The following CDC42SE2 variants were observed in gnomAD, a reference collection of about 807,000 sequenced individuals.
CDC42SE2 encodes CDC42 small effector 2, also known as CDC42 small effector protein 2.
Under a neutral mutation model 11.5 loss-of-function variants are expected in CDC42SE2, and 3 were observed. The ratio of observed to expected loss-of-function variants is 0.26; its 90% CI spans 0.12 to 0.67. The LOEUF is 0.67. CDC42SE2 is among the 30% of genes least tolerant of loss of function. The pLI is 0.80. For synonymous variants in CDC42SE2, 33 were observed against 34.8 expected, an observed-to-expected ratio of 0.95 and a Z score of 0.18; for missense variants, 82 against 106.8, an observed-to-expected ratio of 0.77 and a Z score of 1.02.
intron 3 of CDC42SE2, among the ~76,000 whole-genome samples, chr5:131,381,459 G>T (rs1456272608): frequency 1.3e-5 from 2 of 152,082 alleles, no homozygotes; most frequent in Non-Finnish European, 2.9e-5. Context: ...AAGTAGCTGG[G>T]ATTAAGGCAC....
rs1350887270 is a variant in CDC42SE2 at position 131,342,411 on chromosome 5, A to G, written c.-285-16798A>G. 6.3e-5 allele frequency among the ~76,000 whole-genome samples: 6 copies of G among 95,812 alleles called. No homozygotes were observed. The African/African-American group carries it at 7.2e-4, about 12-fold the overall frequency. 62.9% of individuals were successfully genotyped at this position (95,812 alleles called of 152,430 possible). A position where few individuals can be genotyped will look rare whatever the true frequency, so the allele number is the denominator to read the frequency against. ...GTCTTTTTTTTTTTTTTTTTTTAAGATAGGGTCTCACTTTGTCACTGGGCT... is the reference window on the plus strand; with the variant it reads ...GTCTTTTTTTTTTTTTTTTTTTAAGGTAGGGTCTCACTTTGTCACTGGGCT... On this transcript the variant is annotated intron_variant, in intron 2 of 4. Transcript: ENST00000505065.
At chr5:131,299,000 G>C (rs1300458652) in intron 1 of CDC42SE2, among the ~76,000 whole-genome samples, 1 of 152,188 alleles carries the variant, frequency 6.6e-6, no homozygotes, top group East Asian at 1.9e-4. Flanking sequence ...GCCATATCAA[G>C]TTCTGAAGAG....
intron 1 of CDC42SE2, among the ~76,000 whole-genome samples, chr5:131,295,020 G>T (rs1185766509): frequency 3.3e-5 from 5 of 152,030 alleles, no homozygotes; most frequent in East Asian, 1.9e-4. Context: ...CCAGCTACTC[G>T]GGAGGCTGAA....
intron 2 of CDC42SE2, among the ~76,000 whole-genome samples, chr5:131,321,919 C>T (rs192492622): frequency 1.5e-3 from 225 of 152,266 alleles, no homozygotes; most frequent in African/African-American, 5.1e-3. Flanking sequence ...GACGCGATGT[C>T]GGCTCACTGC....
chr5:131,283,350 G>A lies in CDC42SE2; in HGVS notation c.-455+19184G>A, dbSNP rs115755522. ...TCCCTCCCCACATCCTCTGATAGCC[G>A]TTTACATATTTTCTCTTTCTAGATT... On this transcript the variant is annotated intron_variant, in intron 1 of 4. Transcript: ENST00000505065. 4.2e-3 allele frequency among the ~76,000 whole-genome samples: 632 copies of A among 152,186 alleles called. 6 individuals are homozygous for A. Among genetic ancestry groups the A allele is most frequent in the African/African-American group, 0.014 (602 of 41,530 alleles).
chr5:131,210,434 T>G, the CDC42SE2 span, among the ~76,000 whole-genome samples: 3 of 152,254 alleles, frequency 2.0e-5, no homozygotes, highest in African/African-American at 7.2e-5. Context: ...CCTTTTTGAA[T>G]TCAATTTCCT....
chr5:131,280,823 A>G (rs1293852924), intron 1 of CDC42SE2, among the ~76,000 whole-genome samples: 1 of 152,222 alleles, frequency 6.6e-6, no homozygotes, highest in Non-Finnish European at 1.5e-5. Flanking sequence ...GAAGGCCTTC[A>G]TCTATCTGTA....
chr5:131,390,693 T>C (rs1750624838), intron 4 of CDC42SE2, among the ~76,000 whole-genome samples: 1 of 152,048 alleles, frequency 6.6e-6, no homozygotes, highest in Non-Finnish European at 1.5e-5. Context: ...AAAGTGGAGT[T>C]GATCTATATA....
intron 1 of CDC42SE2, among the ~76,000 whole-genome samples, chr5:131,289,441 G>A (rs1210088471): frequency 6.6e-6 from 1 of 152,228 alleles, no homozygotes; most frequent in African/African-American, 2.4e-5. Flanking sequence ...GGGAGGCCGA[G>A]GCGGGTGAAT....
intron 3 of CDC42SE2, among the ~76,000 whole-genome samples, chr5:131,385,245 C>T (rs1750446677): frequency 1.3e-5 from 2 of 152,210 alleles, no homozygotes. Flanking sequence ...GGTAATTTTA[C>T]ATTTGTCTCG....
At chr5:131,318,556 G>C (rs1015084785) in intron 2 of CDC42SE2, among the ~76,000 whole-genome samples, 1 of 152,164 alleles carries the variant, frequency 6.6e-6, no homozygotes, top group Non-Finnish European at 1.5e-5. Flanking sequence ...GCTATCTTTT[G>C]ACCATGAAAG....
chr5:131,330,167 T>C (rs1758391025), intron 2 of CDC42SE2, among the ~76,000 whole-genome samples: 1 of 152,188 alleles, frequency 6.6e-6, no homozygotes, highest in African/African-American at 2.4e-5. Flanking sequence ...GCTGGAAGGC[T>C]AAGCTCAGTT....
At chr5:131,324,434 T>A (rs912367833) in intron 2 of CDC42SE2, among the ~76,000 whole-genome samples, 2 of 152,100 alleles carry the variant, frequency 1.3e-5, no homozygotes, top group Non-Finnish European at 2.9e-5. Flanking sequence ...TGAGAAAAGA[T>A]AATGAAATCC....
intron 1 of CDC42SE2, among the ~76,000 whole-genome samples, chr5:131,303,485 T>G (rs1406999865): frequency 6.6e-6 from 1 of 152,232 alleles, no homozygotes; most frequent in Non-Finnish European, 1.5e-5. Context: ...TCTTGTAGTT[T>G]ATCAGCTGAA....
intron 4 of CDC42SE2, among the ~76,000 whole-genome samples, chr5:131,387,709 T>C (rs1750529440): frequency 1.3e-5 from 2 of 152,244 alleles, no homozygotes; most frequent in African/African-American, 4.8e-5. Context: ...GGTAGAACTT[T>C]AGGACTGTAC....
At chr5:131,315,438 G>A (rs1175718565) in intron 1 of CDC42SE2, among the ~76,000 whole-genome samples, 2 of 152,182 alleles carry the variant, frequency 1.3e-5, no homozygotes, top group Non-Finnish European at 2.9e-5. Flanking sequence ...TGCAAGCTCA[G>A]ATGTCTGCAG....
intron 3 of CDC42SE2, among the ~76,000 whole-genome samples, chr5:131,365,844 T>C (rs1309948325): frequency 1.3e-5 from 2 of 152,008 alleles, no homozygotes; most frequent in Non-Finnish European, 2.9e-5. Context: ...TAGCCGGGTG[T>C]GGTGGCGGGT....
the CDC42SE2 span, among the ~76,000 whole-genome samples, chr5:131,219,005 T>G: frequency 6.6e-6 from 1 of 152,216 alleles, no homozygotes; most frequent in Non-Finnish European, 1.5e-5. Context: ...AGACAGATAA[T>G]GATTACGAAA....
chr5:131,341,409 T>G (rs1197982011), intron 2 of CDC42SE2, among the ~76,000 whole-genome samples: 1 of 152,198 alleles, frequency 6.6e-6, no homozygotes, highest in Non-Finnish European at 1.5e-5. Context: ...GAGGGAAAGA[T>G]TTTTGTCTTG....
Sources: allele counts gnomAD v4.1 joint callset (sites outside exome capture counted in the v4.1 genomes callset), GRCh38; gene constraint gnomAD v4.1.1; transcripts MANE v1.5; gene names NCBI Gene and HGNC (gene_info 2026-07-23, HGNC 2026-07-21).